The following CTNND2 variants were observed in gnomAD, a reference collection of about 807,000 sequenced individuals.
CTNND2 encodes catenin delta 2.
Under a neutral mutation model 144.4 loss-of-function variants are expected in CTNND2, and 22 were observed. That is an observed-to-expected ratio of 0.15 (90% CI 0.11 to 0.22). CTNND2 has a LOEUF of 0.22. Ranked by LOEUF, CTNND2 falls within the 10% of genes least tolerant of loss-of-function variation. The pLI is 1.00. For missense variants in CTNND2, 1,353 were observed against 1,618.8 expected, an observed-to-expected ratio of 0.84 and a Z score of 2.82; for synonymous variants, 751 against 695.6, an observed-to-expected ratio of 1.08 and a Z score of -1.25.
chr5:11,610,262 C>T (rs1780251490), intron 2 of CTNND2, among the ~76,000 whole-genome samples: 1 of 152,168 alleles, frequency 6.6e-6, no homozygotes, highest in South Asian at 2.1e-4. Context: ...TGGCCGGTAT[C>T]AATGTCATCA....
rs575657413 is a variant in CTNND2 at position 11,474,900 on chromosome 5, C to T, written c.288-62831G>A. ...AAGCACCCGCCCTATGTACACCTGCCCTTCATTGGTTCACTGTGCTAGAGC... is the reference window on the plus strand; with the variant it reads ...AAGCACCCGCCCTATGTACACCTGCTCTTCATTGGTTCACTGTGCTAGAGC... On this transcript the variant is annotated intron_variant, in intron 3 of 21. Transcript: ENST00000304623. Among the ~76,000 whole-genome samples the T allele has an allele frequency of 8.5e-5, 13 of 152,172 alleles. No homozygotes were observed. In the South Asian group the frequency reaches 1.9e-3, roughly 22 times the overall value.
intron 16 of CTNND2, among the ~76,000 whole-genome samples, chr5:11,029,539 A>T (rs1393684294): frequency 6.6e-6 from 1 of 152,268 alleles, no homozygotes; most frequent in Admixed American, 6.5e-5. Context: ...TCAATAACAT[A>T]CAAACACTTT....
chr5:11,227,477 C>A (rs1199849825), intron 10 of CTNND2, among the ~76,000 whole-genome samples: 1 of 151,992 alleles, frequency 6.6e-6, no homozygotes, highest in Non-Finnish European at 1.5e-5. Context: ...AGGCTCTTTT[C>A]CAAAAATGTG....
At chr5:11,515,909 G>T (rs966264061) in intron 3 of CTNND2, among the ~76,000 whole-genome samples, 22 of 152,062 alleles carry the variant, frequency 1.4e-4, no homozygotes, top group African/African-American at 5.3e-4. Flanking sequence ...AAACCAGCCT[G>T]GGCAACATAG....
At chr5:11,160,293 C>T (rs755059887) in intron 11 of CTNND2, among the ~76,000 whole-genome samples, 4 of 152,200 alleles carry the variant, frequency 2.6e-5, no homozygotes, top group Non-Finnish European at 5.9e-5. Context: ...ACTGTTGCCC[C>T]TTGTGACTGT....
chr5:11,802,791 T>C (rs1230448884), intron 1 of CTNND2, among the ~76,000 whole-genome samples: 1 of 152,210 alleles, frequency 6.6e-6, no homozygotes, highest in East Asian at 1.9e-4. Flanking sequence ...GTAATGAACA[T>C]TATTTTATCA....
At chr5:11,653,070 CGT>C (rs58056553) in intron 2 of CTNND2, among the ~76,000 whole-genome samples, 11,198 of 143,306 alleles carry the variant, frequency 0.078, 484 homozygotes, top group African/African-American at 0.11. Flanking sequence ...GAACAAAATT[CGT>C]GTGTGTGTGT....
chr5:11,838,084 T>C (rs1297111615), intron 1 of CTNND2, among the ~76,000 whole-genome samples: 1 of 152,178 alleles, frequency 6.6e-6, no homozygotes, highest in Non-Finnish European at 1.5e-5. Flanking sequence ...GCTTCTGTTC[T>C]AGGAACACCA....
intron 7 of CTNND2, among the ~76,000 whole-genome samples, chr5:11,379,981 C>T (rs962529823): frequency 6.6e-6 from 1 of 152,208 alleles, no homozygotes; most frequent in Non-Finnish European, 1.5e-5. Context: ...CTGCACCCCA[C>T]ACACACCCTC....
chr5:11,324,832 G>T (rs1344011305), intron 9 of CTNND2, among the ~76,000 whole-genome samples: 1 of 152,182 alleles, frequency 6.6e-6, no homozygotes, highest in African/African-American at 2.4e-5. Flanking sequence ...TTAATTGAAA[G>T]AAACCATTTG....
intron 1 of CTNND2, among the ~76,000 whole-genome samples, chr5:11,790,999 A>G (rs13362003): frequency 0.077 from 11,642 of 152,138 alleles, 1,181 homozygotes; most frequent in African/African-American, 0.23. Context: ...ACAGGACTGG[A>G]GTCCTTAAAA....
At chr5:11,637,963 A>C (rs1781801320) in intron 2 of CTNND2, among the ~76,000 whole-genome samples, 2 of 152,220 alleles carry the variant, frequency 1.3e-5, no homozygotes, top group African/African-American at 4.8e-5. Context: ...CATCAGTAAA[A>C]TCTAATGTAA....
intron 2 of CTNND2, among the ~76,000 whole-genome samples, chr5:11,587,396 C>T (rs1236255891): frequency 6.6e-6 from 1 of 151,850 alleles, no homozygotes; most frequent in Non-Finnish European, 1.5e-5. Context: ...AAGAGATGCC[C>T]TCAGAATAAT....
chr5:11,305,072 C>T (rs1318936900), intron 9 of CTNND2, among the ~76,000 whole-genome samples: 1 of 152,236 alleles, frequency 6.6e-6, no homozygotes, highest in Non-Finnish European at 1.5e-5. Context: ...TCACCACTCT[C>T]ACTGCCTTGC....
intron 1 of CTNND2, among the ~76,000 whole-genome samples, chr5:11,736,465 AT>A (rs1212574883): frequency 2.0e-5 from 3 of 152,286 alleles, no homozygotes; most frequent in Non-Finnish European, 4.4e-5. Context: ...ATGATTCATA[AT>A]TTTTTTAATC....
chr5:11,641,804 G>A lies in CTNND2; in HGVS notation c.175-76748C>T, dbSNP rs114110785. On this transcript the variant is annotated intron_variant, in intron 2 of 21. Coordinates refer to ENST00000304623, the MANE Select transcript of CTNND2 (RefSeq NM_001332.4). ...TACATACATACACGTGTACATACAC[G>A]TGTATGTACATACATATACGTATAT... 2.0e-3 allele frequency among the ~76,000 whole-genome samples: 291 copies of A among 142,192 alleles called. 1 individual carries two copies. Among genetic ancestry groups the A allele is most frequent in the African/African-American group, 6.3e-3 (240 of 38,098 alleles). The allele number at this position is 142,192 out of a possible 152,430, so 93.3% of individuals were successfully genotyped here.
intron 1 of CTNND2, among the ~76,000 whole-genome samples, chr5:11,751,915 G>A (rs1788645793): frequency 6.6e-6 from 1 of 151,806 alleles, no homozygotes; most frequent in Non-Finnish European, 1.5e-5. Flanking sequence ...TCAGACAGGT[G>A]TGAGATAGTG....
At chr5:11,655,676 A>C (rs1782874870) in intron 2 of CTNND2, among the ~76,000 whole-genome samples, 1 of 150,088 alleles carries the variant, frequency 6.7e-6, no homozygotes, top group Admixed American at 6.7e-5. Flanking sequence ...AATGGCAAAA[A>C]GCTTTGCTTA....
chr5:11,593,337 A>G (rs1444564159), intron 2 of CTNND2, among the ~76,000 whole-genome samples: 1 of 152,244 alleles, frequency 6.6e-6, no homozygotes, highest in Non-Finnish European at 1.5e-5. Context: ...TAAGTCTGAA[A>G]TGCAATGTAA....
Sources: gnomAD v4.1 joint callset for allele counts (sites outside exome capture counted in the v4.1 genomes callset) on GRCh38, gnomAD v4.1.1 for gene constraint, MANE v1.5 for transcripts, NCBI Gene and HGNC (gene_info 2026-07-23, HGNC 2026-07-21) for gene names.